The following TAFA2 variants were observed in gnomAD, a reference collection of about 807,000 sequenced individuals.
TAFA2 encodes chemokine-like protein TAFA-2.
Under a neutral mutation model 18.8 loss-of-function variants are expected in TAFA2, and 7 were observed. The ratio of observed to expected loss-of-function variants is 0.37; its 90% CI spans 0.21 to 0.70. The LOEUF (loss-of-function observed/expected upper bound fraction) is 0.70, where lower values mean the gene tolerates loss of function less well. Among genes scored for constraint, TAFA2 ranks in the 30% least tolerant of loss-of-function variants. The pLI is 0.53. For synonymous variants in TAFA2, 60 were observed against 54.2 expected (o/e 1.11, Z -0.47); for missense variants, 122 against 158.1 (o/e 0.77, Z 1.23).
chr12:62,173,717 C>A (rs891734300), intron 1 of TAFA2, among the ~76,000 whole-genome samples: 1 of 152,192 alleles, frequency 6.6e-6, no homozygotes. Context: ...AAGTATCAAA[C>A]AACCTCTAGT....
intron 2 of TAFA2, among the ~76,000 whole-genome samples, chr12:61,793,339 TA>T (rs1303521486): frequency 6.6e-6 from 1 of 150,912 alleles, no homozygotes; most frequent in Non-Finnish European, 1.5e-5. Flanking sequence ...AAAAATTCAA[TA>T]AAATTCATAA....
chr12:61,858,182 G>C (rs1430172587), intron 2 of TAFA2, among the ~76,000 whole-genome samples: 2 of 152,158 alleles, frequency 1.3e-5, no homozygotes, highest in African/African-American at 2.4e-5. Flanking sequence ...GTTGCTCCTT[G>C]CTCTTCCACC....
chr12:61,826,757 G>GTCTC (rs143012938), intron 2 of TAFA2, among the ~76,000 whole-genome samples: 10 of 149,286 alleles, frequency 6.7e-5, no homozygotes, highest in African/African-American at 2.0e-4. Flanking sequence ...TCTGAACTCT[G>GTCTC]TCTCTCTCTC....
At chr12:61,847,704 A>C (rs1873464360) in intron 2 of TAFA2, among the ~76,000 whole-genome samples, 1 of 152,214 alleles carries the variant, frequency 6.6e-6, no homozygotes. Flanking sequence ...TCTTTGACCC[A>C]AAAGTCTGCA....
chr12:61,801,882 G>C (rs553690959), intron 2 of TAFA2, among the ~76,000 whole-genome samples: 1 of 152,058 alleles, frequency 6.6e-6, no homozygotes, highest in East Asian at 1.9e-4. Flanking sequence ...CTAATATCCA[G>C]AATATGCAAG....
At chr12:61,901,101 C>G (rs1876078308) in intron 1 of TAFA2, among the ~76,000 whole-genome samples, 1 of 152,076 alleles carries the variant, frequency 6.6e-6, no homozygotes, top group African/African-American at 2.4e-5. Flanking sequence ...ATGAACTTTA[C>G]CAAATATATG....
intron 1 of TAFA2, among the ~76,000 whole-genome samples, chr12:62,076,301 C>T (rs1868248557): frequency 6.6e-6 from 1 of 152,010 alleles, no homozygotes; most frequent in African/African-American, 2.4e-5. Flanking sequence ...TGAGAAAAAG[C>T]CTCCAGATTA....
At chr12:62,053,575 A>G (rs944663775) in intron 1 of TAFA2, among the ~76,000 whole-genome samples, 3 of 152,204 alleles carry the variant, frequency 2.0e-5, no homozygotes, top group Admixed American at 2.0e-4. Context: ...TTTACTAAAA[A>G]CTTATTTTAG....
chr12:61,978,017 A>G (rs1879498992), intron 1 of TAFA2, among the ~76,000 whole-genome samples: 1 of 152,096 alleles, frequency 6.6e-6, no homozygotes, highest in African/African-American at 2.4e-5. Context: ...CATTGCTACA[A>G]TAGTGACCAT....
intron 2 of TAFA2, among the ~76,000 whole-genome samples, chr12:61,798,759 C>A (rs1871289144): frequency 6.6e-6 from 1 of 152,200 alleles, no homozygotes; most frequent in South Asian, 2.1e-4. Flanking sequence ...AAAGTTCTCT[C>A]ATACTTACAT....
intron 1 of TAFA2, chr12:62,135,844 T>C (rs1870873743): frequency 6.6e-6 from 1 of 152,140 alleles, no homozygotes; most frequent in Non-Finnish European, 1.5e-5. Flanking sequence ...GTGAGGATTT[T>C]CTTATTCTGT....
intron 1 of TAFA2, among the ~76,000 whole-genome samples, chr12:61,893,330 AG>A (rs1875711953): frequency 6.6e-6 from 1 of 152,198 alleles, no homozygotes; most frequent in East Asian, 1.9e-4. Flanking sequence ...GACCCTCTGG[AG>A]TGAGATAAAG....
At chr12:62,188,196 T>C (rs11174365) in intron 1 of TAFA2, among the ~76,000 whole-genome samples, 27,264 of 152,174 alleles carry the variant, frequency 0.18, 2,789 homozygotes, top group African/African-American at 0.29. Flanking sequence ...TCAAAGGGGA[T>C]GACGGCTTGG....
intron 1 of TAFA2, among the ~76,000 whole-genome samples, chr12:61,944,661 A>G: frequency 2.2e-5 from 3 of 133,562 alleles, no homozygotes; most frequent in Non-Finnish European, 3.2e-5. Context: ...CTACCATCAG[A>G]GAATACTACA....
chr12:62,089,443 G>A (rs1868613814), intron 1 of TAFA2, among the ~76,000 whole-genome samples: 1 of 152,008 alleles, frequency 6.6e-6, no homozygotes, highest in Non-Finnish European at 1.5e-5. Context: ...AGTGCCCAGG[G>A]ACTCAAAGCT....
At chr12:61,996,874 G>T (rs1053669577) in intron 1 of TAFA2, among the ~76,000 whole-genome samples, 1 of 152,090 alleles carries the variant, frequency 6.6e-6, no homozygotes, top group Non-Finnish European at 1.5e-5. Context: ...TGAATCCAAA[G>T]CATAGCATAC....
At chr12:61,783,989 T>A (rs1443737686) in intron 2 of TAFA2, among the ~76,000 whole-genome samples, 1 of 151,468 alleles carries the variant, frequency 6.6e-6, no homozygotes, top group Non-Finnish European at 1.5e-5. Context: ...AAGTGGAAGA[T>A]TAAATAGAAA....
intron 1 of TAFA2, among the ~76,000 whole-genome samples, chr12:62,122,591 A>G (rs1870246652): frequency 6.6e-6 from 1 of 152,196 alleles, no homozygotes; most frequent in Middle Eastern, 3.2e-3. Context: ...GAGCTAGGTC[A>G]CACAGTTATT....
chr12:61,784,382 C>T (rs990486842), intron 2 of TAFA2, among the ~76,000 whole-genome samples: 1 of 151,408 alleles, frequency 6.6e-6, no homozygotes, highest in Non-Finnish European at 1.5e-5. Context: ...AAGATGACCC[C>T]TCAAGAAGGT....
Sources: allele counts gnomAD v4.1 joint callset (sites outside exome capture counted in the v4.1 genomes callset), GRCh38; gene constraint gnomAD v4.1.1; transcripts MANE v1.5; gene names NCBI Gene and HGNC (gene_info 2026-07-23, HGNC 2026-07-21).